CUBN: variants seen among roughly 807,000 people sequenced by gnomAD.
CUBN encodes the protein cubilin.
CUBN carries 282 observed loss-of-function variants against 405.3 expected under a neutral mutation model. That is an observed-to-expected ratio of 0.70 (90% CI 0.63 to 0.77). CUBN has a LOEUF of 0.77. Ranked by LOEUF, CUBN falls within the 30% of genes least tolerant of loss-of-function variation. The pLI is 0.00. For missense variants in CUBN, 4,514 were observed against 4,475.2 expected (o/e 1.01, Z -0.25); for synonymous variants, 1,684 against 1,617.0 (o/e 1.04, Z -0.99).
intron 56 of CUBN, among the ~76,000 whole-genome samples, chr10:16,885,839 G>A (rs1840796039): frequency 6.6e-6 from 1 of 152,066 alleles, no homozygotes; most frequent in African/African-American, 2.4e-5. Flanking sequence ...CAAAATCCAA[G>A]CCACATGTTG....
intron 46 of CUBN, 73 bp from the exon 47 acceptor site, chr10:16,915,245 G>C: frequency 3.8e-6 from 6 of 1,579,234 alleles, no homozygotes; most frequent in East Asian, 2.2e-5. Context: ...AAGGTGTCCT[G>C]TGTGTACAAA....
At chr10:16,954,575 G>C (rs749134968) in intron 31 of CUBN, 27 bp from the exon 32 acceptor site, 2 of 1,611,862 alleles carry the variant, frequency 1.2e-6, no homozygotes, top group Admixed American at 1.7e-5. Flanking sequence ...AGGGCAAACA[G>C]TGGTTCAGAT....
At chr10:17,018,208 C>G (rs1328070934) in intron 28 of CUBN, among the ~76,000 whole-genome samples, 2 of 152,130 alleles carry the variant, frequency 1.3e-5, no homozygotes, top group African/African-American at 4.8e-5. Flanking sequence ...GTATATAGCC[C>G]CCAAATTCTA....
chr10:17,016,876 G>C (rs148529975), intron 28 of CUBN, among the ~76,000 whole-genome samples: 135 of 152,266 alleles, frequency 8.9e-4, no homozygotes, highest in Middle Eastern at 3.4e-3. Context: ...TCAATGAAAA[G>C]AAAGCTTGGA....
intron 12 of CUBN, among the ~76,000 whole-genome samples, chr10:17,104,038 C>T (rs756125458): frequency 2.0e-5 from 3 of 152,106 alleles, no homozygotes; most frequent in Non-Finnish European, 2.9e-5. Flanking sequence ...CAACGGGAAG[C>T]CACTGTGTAT....
At chr10:16,883,220 C>T (rs562433642) in intron 56 of CUBN, among the ~76,000 whole-genome samples, 4 of 152,236 alleles carry the variant, frequency 2.6e-5, no homozygotes, top group South Asian at 2.1e-4. Context: ...GTCTCCTCTA[C>T]GGAGGCATGA....
intron 12 of CUBN, among the ~76,000 whole-genome samples, chr10:17,103,821 G>A (rs889383548): frequency 6.6e-6 from 1 of 152,236 alleles, no homozygotes; most frequent in Admixed American, 6.5e-5. Flanking sequence ...CAAGGAAGAT[G>A]TGTGAGGAGG....
intron 14 of CUBN, among the ~76,000 whole-genome samples, chr10:17,097,268 G>A (rs2131293171): frequency 6.6e-6 from 1 of 152,136 alleles, no homozygotes; most frequent in Non-Finnish European, 1.5e-5. Context: ...CATCACTACA[G>A]AGCCTACGAA....
At chr10:17,119,402 G>A (rs919715315) in intron 6 of CUBN, among the ~76,000 whole-genome samples, 2 of 152,194 alleles carry the variant, frequency 1.3e-5, no homozygotes, top group African/African-American at 4.8e-5. Flanking sequence ...GCTCACGCCT[G>A]TAATCCCAGC....
intron 22 of CUBN, among the ~76,000 whole-genome samples, chr10:17,060,078 CT>C (rs1004598207): frequency 2.1e-5 from 3 of 142,382 alleles, no homozygotes; most frequent in African/African-American, 7.3e-5. Context: ...CCCAAGTTCC[CT>C]CTTTCCAAAT....
At chr10:17,122,562 T>C (rs1380924460) in intron 6 of CUBN, 2 of 575,722 alleles carry the variant, frequency 3.5e-6, no homozygotes, top group African/African-American at 3.7e-5. Context: ...TTCCGGTTCC[T>C]TGGGGATGTT....
intron 23 of CUBN, among the ~76,000 whole-genome samples, chr10:17,046,445 T>C (rs1356589855): frequency 6.6e-6 from 1 of 152,152 alleles, no homozygotes; most frequent in Non-Finnish European, 1.5e-5. Flanking sequence ...TATATAAACA[T>C]ACTGCTGTAT....
At chr10:17,075,689 A>C (rs1391917796) in intron 17 of CUBN, among the ~76,000 whole-genome samples, 1 of 152,158 alleles carries the variant, frequency 6.6e-6, no homozygotes, top group Non-Finnish European at 1.5e-5. Flanking sequence ...CAGACATGAA[A>C]AATCACATGC....
intron 27 of CUBN, 37 bp downstream of exon 27, chr10:17,040,996 G>GA: frequency 6.3e-7 from 1 of 1,579,322 alleles, no homozygotes; most frequent in South Asian, 1.1e-5. Context: ...CCCTTGATCT[G>GA]AAAAAGCAGT....
intron 39 of CUBN, 76 bp downstream of exon 39, chr10:16,937,516 G>T: frequency 7.8e-7 from 1 of 1,282,500 alleles, no homozygotes; most frequent in Non-Finnish European, 1.1e-6. Flanking sequence ...TCTGACCCCT[G>T]TTATGATAGG....
chr10:16,945,675 G>C (rs922173221), intron 36 of CUBN, among the ~76,000 whole-genome samples: 7 of 150,520 alleles, frequency 4.7e-5, no homozygotes, highest in African/African-American at 1.7e-4. Context: ...GGCTGAGGCA[G>C]GAGAATAGCT....
intron 56 of CUBN, among the ~76,000 whole-genome samples, chr10:16,882,257 G>A (rs1242971249): frequency 6.6e-6 from 1 of 152,164 alleles, no homozygotes; most frequent in African/African-American, 2.4e-5. Context: ...ATGGGACCGG[G>A]AACTCAGTAA....
At chr10:16,991,560 G>C (rs1490128556) in intron 28 of CUBN, among the ~76,000 whole-genome samples, 1 of 150,756 alleles carries the variant, frequency 6.6e-6, no homozygotes, top group East Asian at 1.9e-4. Flanking sequence ...AAATTATCTT[G>C]TTTTCCAACA....
chr10:17,051,357 C>T (rs1835263586), intron 22 of CUBN, among the ~76,000 whole-genome samples: 1 of 151,534 alleles, frequency 6.6e-6, no homozygotes, highest in Admixed American at 6.6e-5. Flanking sequence ...GAGAGTCCGT[C>T]TTAAAAAAAC....
Sources: gnomAD v4.1 joint callset for allele counts (sites outside exome capture counted in the v4.1 genomes callset) on GRCh38, gnomAD v4.1.1 for gene constraint, MANE v1.5 for transcripts, NCBI Gene and HGNC (gene_info 2026-07-23, HGNC 2026-07-21) for gene names.